Variants in GIGYF2 observed in about 807,000 individuals in gnomAD.
The protein encoded by GIGYF2 is GRB10-interacting GYF protein 2.
Under a neutral mutation model 208.1 loss-of-function variants are expected in GIGYF2, and 25 were observed. The observed-to-expected ratio is 0.12, with a 90% CI of 0.09 to 0.17. The LOEUF (loss-of-function observed/expected upper bound fraction) is 0.17, where lower values mean the gene tolerates loss of function less well. Ranked by LOEUF, GIGYF2 falls within the 10% of genes least tolerant of loss-of-function variation. The pLI is 1.00. For synonymous variants in GIGYF2, 534 were observed against 543.8 expected (o/e 0.98, Z 0.25); for missense variants, 1,302 against 1,579.4 (o/e 0.82, Z 2.98).
intron 21 of GIGYF2, among the ~76,000 whole-genome samples, chr2:232,832,119 A>G (rs1041913353): frequency 1.3e-5 from 2 of 152,160 alleles, no homozygotes; most frequent in African/African-American, 4.8e-5. Flanking sequence ...GGTGAAGTAT[A>G]CCTCCTAAAG....
chr2:232,828,141 T>C (rs966118162), intron 21 of GIGYF2, among the ~76,000 whole-genome samples: 1 of 152,070 alleles, frequency 6.6e-6, no homozygotes, highest in Non-Finnish European at 1.5e-5. Context: ...AGATGTGTGC[T>C]ACCACACCTG....
chr2:232,798,791 T>G (rs561474509), intron 14 of GIGYF2, among the ~76,000 whole-genome samples: 328 of 138,932 alleles, frequency 2.4e-3, no homozygotes, highest in African/African-American at 9.8e-3. Flanking sequence ...TTATTTTACG[T>G]TTTTTTTTTA....
At chr2:232,706,605 C>T (rs191642130) in intron 2 of GIGYF2, among the ~76,000 whole-genome samples, 1 of 152,176 alleles carries the variant, frequency 6.6e-6, no homozygotes, top group East Asian at 1.9e-4. Flanking sequence ...CGGCGAAACC[C>T]TGTCTCTACT....
chr2:232,786,572 G>A (rs577047607), intron 8 of GIGYF2, among the ~76,000 whole-genome samples: 22 of 152,272 alleles, frequency 1.4e-4, no homozygotes, highest in Admixed American at 8.5e-4. Context: ...AATGAAAGAC[G>A]GCCTGAAATG....
At chr2:232,738,980 G>A (rs1697857438) in intron 3 of GIGYF2, among the ~76,000 whole-genome samples, 1 of 152,084 alleles carries the variant, frequency 6.6e-6, no homozygotes, top group Non-Finnish European at 1.5e-5. Context: ...GTCTTTTAGA[G>A]TTTTTTTGTT....
At chr2:232,779,079 T>C (rs767614615) in intron 8 of GIGYF2, among the ~76,000 whole-genome samples, 4 of 152,152 alleles carry the variant, frequency 2.6e-5, no homozygotes, top group Non-Finnish European at 4.4e-5. Context: ...CTGGGGCTCC[T>C]TCACTGAGAT....
At chr2:232,832,722 T>A (rs1179788259) in intron 21 of GIGYF2, 135 bp from the exon 22 acceptor site, 2 of 672,334 alleles carry the variant, frequency 3.0e-6, no homozygotes, top group Non-Finnish European at 5.2e-6. Context: ...ACTTCTACCT[T>A]GCATCATCAT....
chr2:232,823,379 T>TA (rs1701156002), intron 21 of GIGYF2, among the ~76,000 whole-genome samples: 2 of 150,862 alleles, frequency 1.3e-5, no homozygotes, highest in Admixed American at 1.3e-4. Context: ...TTTTTTTTTT[T>TA]TTTATTGAGA....
chr2:232,814,184 C>T (rs1440711291), intron 18 of GIGYF2, among the ~76,000 whole-genome samples: 2 of 152,052 alleles, frequency 1.3e-5, no homozygotes, highest in Non-Finnish European at 1.5e-5. Flanking sequence ...TGGTGCCCAA[C>T]CCATGATTGG....
intron 8 of GIGYF2, chr2:232,767,507 C>T (rs1699023331): frequency 1.3e-5 from 2 of 152,608 alleles, no homozygotes; most frequent in Admixed American, 1.3e-4. Flanking sequence ...CCACAGGTTC[C>T]ATTTGGGCTG....
chr2:232,847,930 C>T (rs1001654659), intron 27 of GIGYF2, among the ~76,000 whole-genome samples: 2 of 152,154 alleles, frequency 1.3e-5, no homozygotes, highest in African/African-American at 4.8e-5. Flanking sequence ...GTATTGAGTA[C>T]TGACAACACT....
chr2:232,757,932 G>A (rs1331012268), intron 6 of GIGYF2, among the ~76,000 whole-genome samples: 1 of 152,110 alleles, frequency 6.6e-6, no homozygotes, highest in African/African-American at 2.4e-5. Flanking sequence ...ATCAGGCTAT[G>A]TAAAAAAGAT....
chr2:232,827,772 A>G (rs1203423197), intron 21 of GIGYF2, among the ~76,000 whole-genome samples: 1 of 152,206 alleles, frequency 6.6e-6, no homozygotes, highest in African/African-American at 2.4e-5. Context: ...AAATTTAGAT[A>G]ATAAATTTTA....
chr2:232,837,270 A>T (rs945070152), intron 22 of GIGYF2, among the ~76,000 whole-genome samples: 1 of 152,198 alleles, frequency 6.6e-6, no homozygotes, highest in Non-Finnish European at 1.5e-5. Context: ...TGAGGGGAGA[A>T]GGGAAGCCGT....
Position 232,790,810 on chromosome 2 carries a change from T to C in GIGYF2, c.825T>C (p.Ser275=). The C allele has an allele frequency of 1.2e-6, 2 of 1,614,122 alleles. No homozygotes were observed. The highest frequency in any genetic ancestry group is 1.7e-6 in the Non-Finnish European group (2 of 1,179,968). Reference sequence around the variant, plus strand: ...GTTACCGAAGGGTTCGCTCTGGCAGTGGGAGCATAGATGATGACAGGGATA... The same window carrying C: ...GTTACCGAAGGGTTCGCTCTGGCAGCGGGAGCATAGATGATGACAGGGATA... ...ERGYRRVRSG[S]GSIDDDRDSL... Residue 275 remains serine, a synonymous_variant, in exon 10 of 29, where the codon AGT becomes AGC. Transcript: ENST00000373563.
At chr2:232,810,986 C>G (rs1700717425) in intron 16 of GIGYF2, 1 of 434,366 alleles carries the variant, frequency 2.3e-6, no homozygotes, top group South Asian at 2.3e-5. Flanking sequence ...GAATAGACCA[C>G]TTTGCACTGA....
At chr2:232,835,387 T>C (rs573479112) in intron 22 of GIGYF2, among the ~76,000 whole-genome samples, 8 of 152,364 alleles carry the variant, frequency 5.3e-5, no homozygotes, top group African/African-American at 1.9e-4. Context: ...ACTTTAGTTA[T>C]AGCTTCCTTA....
intron 2 of GIGYF2, among the ~76,000 whole-genome samples, chr2:232,732,554 C>G (rs1386340764): frequency 1.3e-5 from 2 of 151,998 alleles, no homozygotes; most frequent in Non-Finnish European, 2.9e-5. Context: ...GCAGTTGTAA[C>G]TTGGCATCAG....
intron 2 of GIGYF2, among the ~76,000 whole-genome samples, chr2:232,720,717 C>T (rs536833063): frequency 1.3e-5 from 2 of 152,172 alleles, no homozygotes; most frequent in African/African-American, 4.8e-5. Flanking sequence ...GCCTCAGCCT[C>T]CTGAATAGCT....
Sources: allele counts gnomAD v4.1 joint callset (sites outside exome capture counted in the v4.1 genomes callset), GRCh38; gene constraint gnomAD v4.1.1; transcripts MANE v1.5; gene names NCBI Gene and HGNC (gene_info 2026-07-23, HGNC 2026-07-21).